The following KCNIP4 variants were observed in gnomAD, a reference collection of about 807,000 sequenced individuals.
KCNIP4 encodes the protein Kv channel-interacting protein 4.
A neutral mutation model predicts 34.0 loss-of-function variants in KCNIP4; 12 were observed. That is an observed-to-expected ratio of 0.35 (90% CI 0.23 to 0.57). The LOEUF (loss-of-function observed/expected upper bound fraction) is 0.57. KCNIP4 is among the 20% of genes least tolerant of loss of function. The pLI is 0.83. For missense variants in KCNIP4, 238 were observed against 311.7 expected, an observed-to-expected ratio of 0.76 and a Z score of 1.78; for synonymous variants, 124 against 102.2, an observed-to-expected ratio of 1.21 and a Z score of -1.29.
chr4:21,665,771 A>G (rs1748823704), intron 1 of KCNIP4, among the ~76,000 whole-genome samples: 2 of 152,150 alleles, frequency 1.3e-5, no homozygotes, highest in South Asian at 2.1e-4. Context: ...CTGGGGCCCA[A>G]CTATGCTGGA....
In KCNIP4 at chr4:21,407,629, A is replaced by C. The variant is rs71607074; in HGVS notation, c.62-524920T>G. Among the ~76,000 whole-genome samples the C allele has an allele frequency of 8.6e-3, 1,307 of 152,312 alleles. 18 individuals are homozygous for C. The highest frequency in any genetic ancestry group is 0.041 in the South Asian group (198 of 4,834). The stretch of plus-strand genomic sequence containing the variant: ...CAAACTCACATAGCTTTGTTGGCTA[A>C]GCTAGAATTGGTATCAGTTTAGTGC... On this transcript the variant is annotated intron_variant, in intron 1 of 8. Coordinates refer to ENST00000382152, the MANE Select transcript of KCNIP4 (RefSeq NM_025221.6).
chr4:21,465,410 A>G (rs1215260610), intron 1 of KCNIP4, among the ~76,000 whole-genome samples: 4 of 152,118 alleles, frequency 2.6e-5, no homozygotes, highest in Non-Finnish European at 5.9e-5. Context: ...CCTTACCTCC[A>G]TCAATTTCTG....
At chr4:21,385,323 G>A (rs918898589) in intron 1 of KCNIP4, among the ~76,000 whole-genome samples, 2 of 152,096 alleles carry the variant, frequency 1.3e-5, no homozygotes, top group Non-Finnish European at 2.9e-5. Flanking sequence ...GCAGGAGGTG[G>A]GATAAATGTT....
At chr4:21,906,274 G>T (rs1186310817) in intron 1 of KCNIP4, among the ~76,000 whole-genome samples, 1 of 152,136 alleles carries the variant, frequency 6.6e-6, no homozygotes, top group East Asian at 1.9e-4. Context: ...AGGATCCTGA[G>T]GTGAGATCAT....
Position 21,321,602 on chromosome 4 carries a change from G to A in KCNIP4, c.62-438893C>T, listed in dbSNP as rs370407509. On this transcript the variant is annotated intron_variant, in intron 1 of 8. Transcript: ENST00000382152. ...ATGGAGGGGTAGGAGGAGGAAGAGG[G>A]AGAAGAAGGGAGAATAAAAGAACAG... Among the ~76,000 whole-genome samples the A allele has an allele frequency of 4.1e-4, 63 of 151,862 alleles. No individual in the cohort carries two copies. In the East Asian group the frequency reaches 4.9e-3, roughly 12 times the overall value.
intron 1 of KCNIP4, among the ~76,000 whole-genome samples, chr4:21,347,938 G>C (rs1717618747): frequency 6.6e-6 from 1 of 152,142 alleles, no homozygotes; most frequent in Non-Finnish European, 1.5e-5. Context: ...GCTTCCACTG[G>C]GCACACAGCA....
chr4:21,067,066 A>G (rs1022232086), intron 1 of KCNIP4, among the ~76,000 whole-genome samples: 1 of 152,174 alleles, frequency 6.6e-6, no homozygotes. Flanking sequence ...CAGCTCAGCC[A>G]CAGTAGGACA....
In KCNIP4 at chr4:21,391,128, T is replaced by C. The variant is rs1495506; in HGVS notation, c.62-508419A>G. 9.4e-3 allele frequency among the ~76,000 whole-genome samples: 1,424 copies of C among 152,262 alleles called. 26 individuals carry two copies. Among genetic ancestry groups the C allele is most frequent in the African/African-American group, 0.033 (1,354 of 41,556 alleles). On this transcript the variant is annotated intron_variant, in intron 1 of 8. Transcript: ENST00000382152. ...TATATCTTCCTTGGATAAACCTCTA[T>C]TGAAATCCTTTGCCCTTTTCAAATT...
intron 1 of KCNIP4, among the ~76,000 whole-genome samples, chr4:21,294,233 C>G (rs186867649): frequency 6.6e-6 from 1 of 152,240 alleles, no homozygotes; most frequent in East Asian, 1.9e-4. Flanking sequence ...GACTCCCCTA[C>G]TATATTCATT....
chr4:21,539,809 T>C lies in KCNIP4; in HGVS notation c.61+408762A>G, dbSNP rs995078131. 4.6e-5 allele frequency among the ~76,000 whole-genome samples: 7 copies of C among 152,100 alleles called. No individual in the cohort carries two copies. The East Asian group carries it at 5.8e-4, about 13-fold the overall frequency. The stretch of plus-strand genomic sequence containing the variant: ...GCCTGGCCAACACAGTGAAACCCCG[T>C]TTCTACTAAAAGTACACAAATTAGC... On this transcript the variant is annotated intron_variant, in intron 1 of 8. Transcript: ENST00000382152.
At chr4:21,676,727 A>T (rs1441710205) in intron 1 of KCNIP4, among the ~76,000 whole-genome samples, 1 of 152,130 alleles carries the variant, frequency 6.6e-6, no homozygotes, top group Non-Finnish European at 1.5e-5. Context: ...GTTTTGACTT[A>T]CTTATCATAG....
At chr4:21,146,666 A>T (rs2043386) in intron 1 of KCNIP4, among the ~76,000 whole-genome samples, 1 of 152,034 alleles carries the variant, frequency 6.6e-6, no homozygotes. Context: ...GTTTACACAC[A>T]TCAAGTGTCT....
At chr4:21,932,475 T>C (rs1729625929) in intron 1 of KCNIP4, among the ~76,000 whole-genome samples, 6 of 152,136 alleles carry the variant, frequency 3.9e-5, no homozygotes, top group Non-Finnish European at 8.8e-5. Flanking sequence ...GGGAAGTTAC[T>C]TGCTGATACA....
At chr4:20,984,020 C>T (rs1736345318) in intron 1 of KCNIP4, 2 of 1,494,956 alleles carry the variant, frequency 1.3e-6, no homozygotes, top group East Asian at 4.9e-5. Context: ...GGAACAAAGA[C>T]TTGCAAGGGG....
chr4:21,528,764 AAAGAAAGAAAGAAAGGAAGAAAGG>A (rs1560490098), intron 1 of KCNIP4, among the ~76,000 whole-genome samples: 7 of 9,604 alleles, frequency 7.3e-4, no homozygotes, highest in Non-Finnish European at 5.8e-4. Context: ...AGAAAGAAAG[AAAGAAAGAAAGAAAGGAAGAAAGG>A]AAGAAAGGAA....
At chr4:21,798,123 AC>A (rs1359712055) in intron 1 of KCNIP4, among the ~76,000 whole-genome samples, 1 of 141,966 alleles carries the variant, frequency 7.0e-6, no homozygotes, top group East Asian at 1.9e-4. Context: ...TATATAAAAT[AC>A]AAAAAAAAAA....
chr4:20,858,033 C>T (rs1262816572), intron 2 of KCNIP4, among the ~76,000 whole-genome samples: 5 of 151,334 alleles, frequency 3.3e-5, no homozygotes, highest in African/African-American at 1.2e-4. Context: ...CATGGCAAAA[C>T]CCCCCATCTC....
intron 1 of KCNIP4, among the ~76,000 whole-genome samples, chr4:21,685,460 T>G (rs546384186): frequency 6.6e-6 from 1 of 152,316 alleles, no homozygotes; most frequent in Non-Finnish European, 1.5e-5. Context: ...AGTCATTTTC[T>G]TTGCCAGGTC....
At chr4:20,787,307 A>C (rs1228302959) in intron 3 of KCNIP4, among the ~76,000 whole-genome samples, 1 of 152,120 alleles carries the variant, frequency 6.6e-6, no homozygotes. Context: ...ACCGCAATTT[A>C]TTTTTTAGGT....
Sources: gnomAD v4.1 joint callset for allele counts (sites outside exome capture counted in the v4.1 genomes callset) on GRCh38, gnomAD v4.1.1 for gene constraint, MANE v1.5 for transcripts, NCBI Gene and HGNC (gene_info 2026-07-23, HGNC 2026-07-21) for gene names.